PCNX2: variants seen among roughly 807,000 people sequenced by gnomAD.
PCNX2 encodes pecanex-like protein 2.
PCNX2 carries 168 observed loss-of-function variants against 223.8 expected under a neutral mutation model. The ratio of observed to expected loss-of-function variants is 0.75; its 90% CI spans 0.66 to 0.85. The LOEUF (loss-of-function observed/expected upper bound fraction) is 0.85. PCNX2 is among the 40% of genes least tolerant of loss of function. The probability of loss-of-function intolerance (pLI) is 0.00; values close to 1 mark genes in which losing one functional copy is unlikely to be tolerated. For missense variants in PCNX2, 2,507 were observed against 2,675.5 expected (o/e 0.94, Z 1.39); for synonymous variants, 1,006 against 1,052.6 (o/e 0.96, Z 0.86).
chr1:233,177,785 C>T lies in PCNX2; in HGVS notation c.3273+17G>A, dbSNP rs755900079. On this transcript the variant is annotated intron_variant, in intron 17 of 33. Transcript: ENST00000258229. Reference sequence around the variant, plus strand: ...TGAGGCCCTCCTATGCTACATTACACAACGCAAATGTCTCACCACTGAATC... The same window carrying T: ...TGAGGCCCTCCTATGCTACATTACATAACGCAAATGTCTCACCACTGAATC... The T allele has an allele frequency of 6.3e-7, 1 of 1,599,616 alleles. No individual in the cohort carries two copies. The highest frequency in any genetic ancestry group is 1.1e-5 in the South Asian group (1 of 90,634).
chr1:233,283,943 T>C (rs1321593412), intron 1 of PCNX2, among the ~76,000 whole-genome samples: 2 of 152,162 alleles, frequency 1.3e-5, no homozygotes, highest in African/African-American at 4.8e-5. Context: ...TGGCTGACAC[T>C]ACCTTAACCA....
chr1:233,063,104 G>A (rs1333447306), intron 23 of PCNX2, among the ~76,000 whole-genome samples: 2 of 152,098 alleles, frequency 1.3e-5, no homozygotes, highest in Admixed American at 6.5e-5. Context: ...GGGTGTGGTG[G>A]CACACCCTTG....
At chr1:233,103,385 A>G (rs1409393802) in intron 21 of PCNX2, among the ~76,000 whole-genome samples, 4 of 151,418 alleles carry the variant, frequency 2.6e-5, no homozygotes, top group African/African-American at 9.7e-5. Flanking sequence ...CACTTTTTCT[A>G]TTTTTTTTAT....
At chr1:232,984,568 C>T in intron 33 of PCNX2, 91 bp from the exon 34 acceptor site, 1 of 1,418,326 alleles carries the variant, frequency 7.1e-7, no homozygotes. Context: ...GCTGTGGGAG[C>T]TAAAGGCTAG....
chr1:233,122,692 T>A (rs1271575194), intron 21 of PCNX2, among the ~76,000 whole-genome samples: 4 of 151,916 alleles, frequency 2.6e-5, no homozygotes, highest in African/African-American at 9.7e-5. Context: ...CCTGGCTAAT[T>A]TTTTGTATTT....
intron 7 of PCNX2, among the ~76,000 whole-genome samples, chr1:233,251,671 A>G (rs958203611): frequency 5.3e-5 from 8 of 152,252 alleles, no homozygotes; most frequent in African/African-American, 1.2e-4. Flanking sequence ...ATTTAAAACT[A>G]TAAACTACTG....
intron 1 of PCNX2, among the ~76,000 whole-genome samples, chr1:233,276,786 C>G (rs1170233944): frequency 6.6e-6 from 1 of 152,198 alleles, no homozygotes; most frequent in African/African-American, 2.4e-5. Flanking sequence ...GTTCATTTAG[C>G]CTTTCAGGTG....
In PCNX2 at chr1:233,252,467, T is replaced by C. The variant is rs374219392; in HGVS notation, c.2015A>G (p.Tyr672Cys). The change falls in exon 7 of 34, where the codon TAC (tyrosine) becomes TGC (cysteine). Residue 672 changes from tyrosine to cysteine, a missense_variant. Transcript: ENST00000258229. ...FQGNRQRQII[Y>C]RVTSQQDSSV... Reference sequence around the variant, plus strand: ...ACTATCTTGTTGGGAAGTTACCCTGTAGATTATCTGTCTTTGTCTATTGCC... The same window carrying C: ...ACTATCTTGTTGGGAAGTTACCCTGCAGATTATCTGTCTTTGTCTATTGCC... 9 of 1,613,032 alleles carry C rather than the reference T, an allele frequency of 5.6e-6. No individual in the cohort carries two copies. The highest frequency in any genetic ancestry group is 7.6e-6 in the Non-Finnish European group (9 of 1,179,256).
rs531154479 is a variant in PCNX2 at position 233,121,383 on chromosome 1, C to G, written c.3837+13630G>C. On this transcript the variant is annotated intron_variant, in intron 21 of 33. Coordinates refer to ENST00000258229, the MANE Select transcript of PCNX2 (RefSeq NM_014801.4). The stretch of plus-strand genomic sequence containing the variant: ...CAACAGTAAACAAAAATGAAATAGC[C>G]AACACAATACTGAAGAAGAAAACAA... 2.0e-5 allele frequency among the ~76,000 whole-genome samples: 3 copies of G among 152,080 alleles called. No individual in the cohort carries two copies. The East Asian group carries it at 5.8e-4, about 29-fold the overall frequency.
intron 21 of PCNX2, among the ~76,000 whole-genome samples, chr1:233,112,427 CAAGT>C (rs1247814967): frequency 1.3e-5 from 2 of 152,212 alleles, no homozygotes; most frequent in African/African-American, 4.8e-5. Flanking sequence ...ATTCTTTCAG[CAAGT>C]GAGTCTAGAG....
At chr1:233,198,061 C>G (rs1680838898) in intron 15 of PCNX2, among the ~76,000 whole-genome samples, 1 of 151,896 alleles carries the variant, frequency 6.6e-6, no homozygotes, top group African/African-American at 2.4e-5. Flanking sequence ...TACAGCTCTA[C>G]AACACTGAAA....
chr1:233,017,289 C>G (rs1670707329), intron 26 of PCNX2, 135 bp from the exon 27 acceptor site: 1 of 500,098 alleles, frequency 2.0e-6, no homozygotes, highest in African/African-American at 2.0e-5. Flanking sequence ...ATGCACAGAA[C>G]TCATTTGAGA....
intron 19 of PCNX2, among the ~76,000 whole-genome samples, chr1:233,143,762 T>C (rs1453644644): frequency 6.6e-6 from 1 of 152,180 alleles, no homozygotes; most frequent in East Asian, 1.9e-4. Context: ...TTAATCACTT[T>C]TGCCTAAAAA....
At chr1:232,986,745 G>A (rs1386447622) in intron 32 of PCNX2, among the ~76,000 whole-genome samples, 1 of 152,236 alleles carries the variant, frequency 6.6e-6, no homozygotes, top group East Asian at 1.9e-4. Context: ...CCAAAGGGCC[G>A]ACTGAAGGGC....
At chr1:233,055,702 G>T (rs1672167457) in intron 24 of PCNX2, among the ~76,000 whole-genome samples, 1 of 152,128 alleles carries the variant, frequency 6.6e-6, no homozygotes, top group African/African-American at 2.4e-5. Flanking sequence ...AAAGCCATAG[G>T]CATAGTTGTC....
Position 233,295,259 on chromosome 1 carries a change from C to G in PCNX2, c.153+67G>C, listed in dbSNP as rs117679143. The G allele has an allele frequency of 2.8e-5, 44 of 1,548,786 alleles. No individual in the cohort carries two copies. The East Asian group carries it at 9.8e-4, about 34-fold the overall frequency. On this transcript the variant is annotated intron_variant, in intron 1 of 33. Transcript: ENST00000258229. This position sits in a 1 kb window ranked among gnomAD's most constrained non-coding sequence, Gnocchi z 4.1. Reference sequence around the variant, plus strand: ...AAAGCCCGTGAGGCTGATGGCACGTCTGTGGTTCCTTTCTCCTTCTTCCCT... The same window carrying G: ...AAAGCCCGTGAGGCTGATGGCACGTGTGTGGTTCCTTTCTCCTTCTTCCCT...
intron 23 of PCNX2, chr1:233,089,759 C>T (rs1409883926): frequency 1.6e-6 from 1 of 631,416 alleles, no homozygotes; most frequent in Non-Finnish European, 2.2e-6. Flanking sequence ...TTAACAGTGG[C>T]TTGTACCTTC....
At chr1:233,324,750 A>G in the PCNX2 span, among the ~76,000 whole-genome samples, 9 of 151,806 alleles carry the variant, frequency 5.9e-5, no homozygotes, top group Admixed American at 5.9e-4. Flanking sequence ...ACAGGTGTGC[A>G]TCACCACACC....
intron 19 of PCNX2, among the ~76,000 whole-genome samples, chr1:233,156,787 G>A (rs1289458852): frequency 2.6e-5 from 4 of 151,992 alleles, no homozygotes; most frequent in African/African-American, 7.3e-5. Context: ...GTGTGGTGGC[G>A]GGCACCTGTA....
Sources: gnomAD v4.1 joint callset for allele counts (sites outside exome capture counted in the v4.1 genomes callset) on GRCh38, gnomAD v4.1.1 for gene constraint, Gnocchi (gnomAD v3.1) non-coding constraint, MANE v1.5 for transcripts, NCBI Gene and HGNC (gene_info 2026-07-23, HGNC 2026-07-21) for gene names.